The following DYM variants were observed in gnomAD, a reference collection of about 807,000 sequenced individuals.
DYM encodes dyggve-Melchior-Clausen syndrome protein.
In DYM, 78 loss-of-function variants were observed where a neutral mutation model predicts 93.1. The observed-to-expected ratio is 0.84, with a 90% CI of 0.70 to 1.01. The LOEUF is 1.01. Among genes scored for constraint, DYM ranks in the 50% least tolerant of loss-of-function variants. DYM has a pLI of 0.00. For missense variants in DYM, 789 were observed against 845.0 expected, an observed-to-expected ratio of 0.93 and a Z score of 0.82; for synonymous variants, 321 against 319.7, an observed-to-expected ratio of 1.00 and a Z score of -0.04.
chr18:49,393,669 C>G (rs2069679665), intron 2 of DYM: 1 of 152,154 alleles, frequency 6.6e-6, no homozygotes, highest in African/African-American at 2.4e-5. Context: ...ACTCGGGAGG[C>G]TGAGGCAGGA....
chr18:49,294,423 C>T (rs749300715), intron 8 of DYM, among the ~76,000 whole-genome samples: 1 of 152,136 alleles, frequency 6.6e-6, no homozygotes, highest in Non-Finnish European at 1.5e-5. Flanking sequence ...GCCATTTTCA[C>T]AATATTGATT....
intron 15 of DYM, among the ~76,000 whole-genome samples, chr18:49,138,200 A>G (rs2084065606): frequency 6.6e-6 from 1 of 152,198 alleles, no homozygotes; most frequent in South Asian, 2.1e-4. Context: ...ACCCTTTGGT[A>G]TGTCAACAAG....
At chr18:49,254,288 ATATATATATATATATATATAT>A (rs2094347225) in intron 13 of DYM, among the ~76,000 whole-genome samples, 1 of 860 alleles carries the variant, frequency 1.2e-3, no homozygotes, top group Non-Finnish European at 5.5e-3. Context: ...TATCATATAT[ATATATATATATATATATATAT>A]ATATATATAT....
intron 16 of DYM, among the ~76,000 whole-genome samples, chr18:49,109,840 C>G (rs182303597): frequency 2.6e-5 from 4 of 152,226 alleles, no homozygotes; most frequent in Admixed American, 1.3e-4. Flanking sequence ...GAGCAAAGGA[C>G]AGTCAGTGCC....
chr18:49,091,382 C>T (rs534378577), intron 17 of DYM, among the ~76,000 whole-genome samples: 5 of 152,018 alleles, frequency 3.3e-5, no homozygotes, highest in African/African-American at 4.8e-5. Flanking sequence ...CCTGGAAGGT[C>T]GGGCAGGCAT....
At chr18:49,278,930 T>C (rs560300759) in intron 10 of DYM, among the ~76,000 whole-genome samples, 5 of 152,322 alleles carry the variant, frequency 3.3e-5, no homozygotes, top group South Asian at 4.1e-4. Flanking sequence ...ATCTCAAATG[T>C]CTAGCTGCTT....
chr18:49,088,029 G>A (rs1404570260), intron 17 of DYM, among the ~76,000 whole-genome samples: 2 of 152,006 alleles, frequency 1.3e-5, no homozygotes, highest in East Asian at 3.9e-4. Flanking sequence ...TTTGTCAGAT[G>A]AGTAGATTGC....
At position 49,043,122 on chromosome 18, in the gene DYM, T is replaced by C. The variant is rs1337895732; in HGVS notation, c.*933A>G. ...TCATGAGAAGTAGCCATTTTCTTTT[T>C]CTTTTCTTTCTTTTTTTTTTTTTGC... is the stretch of plus-strand genomic sequence containing the variant. On this transcript the variant is annotated 3_prime_UTR_variant, in exon 18 of 18. Transcript: ENST00000675505. 2.6e-5 allele frequency: 4 copies of C among 152,084 alleles called. No individual in the cohort carries two copies. Among genetic ancestry groups the C allele is most frequent in the Non-Finnish European group, 5.9e-5 (4 of 68,058 alleles). 9.4% of individuals were successfully genotyped at this position (152,084 alleles called of 1,614,324 possible).
At chr18:49,051,976 T>C (rs189763720) in intron 17 of DYM, among the ~76,000 whole-genome samples, 1 of 152,222 alleles carries the variant, frequency 6.6e-6, no homozygotes, top group Non-Finnish European at 1.5e-5. Flanking sequence ...TCTCCCACAG[T>C]GAGCAAGGGA....
chr18:49,314,333 G>A (rs892132369), intron 8 of DYM, among the ~76,000 whole-genome samples: 3 of 152,202 alleles, frequency 2.0e-5, no homozygotes, highest in Admixed American at 2.0e-4. Context: ...CTTCAGCTGT[G>A]TACATTGAAC....
intron 13 of DYM, among the ~76,000 whole-genome samples, chr18:49,213,584 G>C (rs1446848255): frequency 6.6e-6 from 1 of 152,054 alleles, no homozygotes; most frequent in Non-Finnish European, 1.5e-5. Context: ...CCAAAGTGAT[G>C]GGATTACAGG....
In DYM at chr18:49,237,733, A is replaced by G. The variant is rs148037964; in HGVS notation, c.1460+19277T>C. Reference sequence around the variant, plus strand: ...AGGCTAGCTCTCCTCCCACCCCATAACCACTTTTATCAGTTTCTTGTGTGT... The same window carrying G: ...AGGCTAGCTCTCCTCCCACCCCATAGCCACTTTTATCAGTTTCTTGTGTGT... On this transcript the variant is annotated intron_variant, in intron 13 of 17. Transcript: ENST00000675505. Among the ~76,000 whole-genome samples, 29 of 152,286 alleles carry G rather than the reference A, an allele frequency of 1.9e-4. 1 individual carries two copies. In the East Asian group the frequency reaches 5.6e-3, roughly 29 times the overall value.
At chr18:49,348,738 G>A (rs932141589) in intron 6 of DYM, among the ~76,000 whole-genome samples, 21 of 151,974 alleles carry the variant, frequency 1.4e-4, no homozygotes, top group African/African-American at 3.6e-4. Context: ...GTGAAACCCC[G>A]TCTCTACTAA....
intron 15 of DYM, 133 bp downstream of exon 15, chr18:49,163,552 G>A (rs1190424100): frequency 3.2e-6 from 2 of 626,736 alleles, no homozygotes; most frequent in Non-Finnish European, 5.9e-6. Context: ...CACCATGTTG[G>A]CCAGGCTGGT....
chr18:49,162,786 GGACTTTAA>G (rs908869183), intron 15 of DYM, among the ~76,000 whole-genome samples: 15 of 152,176 alleles, frequency 9.9e-5, no homozygotes, highest in African/African-American at 2.9e-4. Context: ...TTGAGAATGA[GGACTTTAA>G]GACTTTAAGA....
At chr18:49,236,491 T>TAAAA (rs1433377358) in intron 13 of DYM, among the ~76,000 whole-genome samples, 2 of 140,912 alleles carry the variant, frequency 1.4e-5, no homozygotes, top group Admixed American at 7.1e-5. Context: ...AAAAAAAAAA[T>TAAAA]AAATAAATAA....
chr18:49,386,194 C>G (rs1204634086), intron 3 of DYM, among the ~76,000 whole-genome samples: 1 of 151,900 alleles, frequency 6.6e-6, no homozygotes, highest in Non-Finnish European at 1.5e-5. Flanking sequence ...AACAATAATA[C>G]AATTAACGTC....
intron 16 of DYM, among the ~76,000 whole-genome samples, chr18:49,107,127 ACTT>A (rs527509951): frequency 0.025 from 3,773 of 151,854 alleles, 145 homozygotes; most frequent in African/African-American, 0.085. Context: ...TTTTCTCTAA[ACTT>A]CTCTTCTCGC....
At chr18:49,401,278 T>C (rs2070782963) in intron 2 of DYM, among the ~76,000 whole-genome samples, 1 of 152,182 alleles carries the variant, frequency 6.6e-6, no homozygotes, top group Non-Finnish European at 1.5e-5. Flanking sequence ...ACTGATCCAA[T>C]GACCAGGTGT....
Sources: gnomAD v4.1 joint callset for allele counts (sites outside exome capture counted in the v4.1 genomes callset) on GRCh38, gnomAD v4.1.1 for gene constraint, MANE v1.5 for transcripts, NCBI Gene and HGNC (gene_info 2026-07-23, HGNC 2026-07-21) for gene names.